The following PRR16 variants were observed in gnomAD, a reference collection of about 807,000 sequenced individuals.
PRR16 encodes protein Largen.
Under a neutral mutation model 18.2 loss-of-function variants are expected in PRR16, and 6 were observed. The observed-to-expected ratio is 0.33, with a 90% CI of 0.18 to 0.65. The LOEUF is 0.65. PRR16 is among the 30% of genes least tolerant of loss of function. PRR16 has a pLI of 0.74. For missense variants in PRR16, 412 were observed against 376.6 expected (o/e 1.09, Z -0.78); for synonymous variants, 151 against 147.8 (o/e 1.02, Z -0.16).
Position 120,464,476 on chromosome 5 carries a change from G to A in PRR16, c.-11G>A. 6.3e-7 allele frequency: 1 copy of A among 1,582,340 alleles called. No individual in the cohort carries two copies. The highest frequency in any genetic ancestry group is 2.3e-5 in the East Asian group (1 of 44,122). On this transcript the variant is annotated 5_prime_UTR_variant, in exon 1 of 2. Coordinates refer to ENST00000407149, the MANE Select transcript of PRR16 (RefSeq NM_001300783.2). ...CCGCCTGTCCTGACCTGCCTCGCTTGCCCCCAAAGAATGTCAGCCAAGTCC... is the reference window on the plus strand; with the variant it reads ...CCGCCTGTCCTGACCTGCCTCGCTTACCCCCAAAGAATGTCAGCCAAGTCC...
chr5:120,760,969 TG>T, the PRR16 span, among the ~76,000 whole-genome samples: 1 of 152,160 alleles, frequency 6.6e-6, no homozygotes, highest in African/African-American at 2.4e-5. Flanking sequence ...CTACAGTTCT[TG>T]TTTCAGAATC....
chr5:120,703,705 T>G, the PRR16 span, among the ~76,000 whole-genome samples: 1 of 152,242 alleles, frequency 6.6e-6, no homozygotes, highest in Non-Finnish European at 1.5e-5. Context: ...GAGTGAGATT[T>G]GAAAATATTA....
intron 1 of PRR16, among the ~76,000 whole-genome samples, chr5:120,571,101 C>T (rs1752891582): frequency 6.6e-6 from 1 of 152,058 alleles, no homozygotes; most frequent in Non-Finnish European, 1.5e-5. Flanking sequence ...AGTAATAAGC[C>T]ATGTTTTAAA....
chr5:120,746,964 CTTTCG>C, the PRR16 span, among the ~76,000 whole-genome samples: 1 of 152,086 alleles, frequency 6.6e-6, no homozygotes, highest in African/African-American at 2.4e-5. Flanking sequence ...AAAAAGCAAG[CTTTCG>C]TTTCAATTTA....
At chr5:120,669,378 C>G (rs1002695019) in intron 1 of PRR16, among the ~76,000 whole-genome samples, 3 of 151,938 alleles carry the variant, frequency 2.0e-5, no homozygotes, top group East Asian at 3.9e-4. Flanking sequence ...AGTTTGCCAA[C>G]TCTACTTTGT....
At chr5:120,531,771 A>G (rs556435787) in intron 1 of PRR16, among the ~76,000 whole-genome samples, 1 of 152,118 alleles carries the variant, frequency 6.6e-6, no homozygotes, top group South Asian at 2.1e-4. Flanking sequence ...AATATCTCCC[A>G]AGCAGAATGA....
chr5:120,785,572 G>GTTTT, the PRR16 span, among the ~76,000 whole-genome samples: 22 of 119,932 alleles, frequency 1.8e-4, 1 homozygote, highest in African/African-American at 2.3e-4. Context: ...TTTTGTTGTT[G>GTTTT]TTGTTTTTTT....
chr5:120,758,188 T>C, the PRR16 span, among the ~76,000 whole-genome samples: 2 of 152,116 alleles, frequency 1.3e-5, no homozygotes, highest in African/African-American at 4.8e-5. Context: ...ATAATGGAAA[T>C]AGTTTATATT....
chr5:120,539,358 A>C (rs919676404), intron 1 of PRR16, among the ~76,000 whole-genome samples: 3 of 151,410 alleles, frequency 2.0e-5, no homozygotes, highest in African/African-American at 7.3e-5. Flanking sequence ...AAATAATAAC[A>C]ACAAAGAAAC....
the PRR16 span, among the ~76,000 whole-genome samples, chr5:120,712,259 TAATACAC>T: frequency 7.2e-5 from 11 of 152,232 alleles, no homozygotes; most frequent in African/African-American, 2.4e-4. Context: ...TTTCAATATA[TAATACAC>T]AATACACAAT....
At chr5:120,717,823 C>T in the PRR16 span, among the ~76,000 whole-genome samples, 7 of 152,124 alleles carry the variant, frequency 4.6e-5, no homozygotes, top group African/African-American at 7.2e-5. Flanking sequence ...AATGTCAGAA[C>T]GAAAACTTTA....
chr5:120,676,877 T>G (rs1756816850), intron 1 of PRR16, among the ~76,000 whole-genome samples: 2 of 152,170 alleles, frequency 1.3e-5, no homozygotes, highest in South Asian at 4.1e-4. Context: ...CATTGGACAT[T>G]TTCAGAAGTC....
intron 1 of PRR16, among the ~76,000 whole-genome samples, chr5:120,573,800 A>G (rs1335671669): frequency 1.3e-5 from 2 of 152,184 alleles, no homozygotes. Context: ...TTGAATATAT[A>G]GAATTGACCT....
At chr5:120,476,011 A>C (rs1237969981) in intron 1 of PRR16, among the ~76,000 whole-genome samples, 1 of 152,156 alleles carries the variant, frequency 6.6e-6, no homozygotes, top group Non-Finnish European at 1.5e-5. Context: ...GATTTTGATT[A>C]GCTGCTTTCT....
At chr5:120,517,994 G>A (rs1751052458) in intron 1 of PRR16, among the ~76,000 whole-genome samples, 1 of 152,196 alleles carries the variant, frequency 6.6e-6, no homozygotes, top group Non-Finnish European at 1.5e-5. Flanking sequence ...AAAGTTTTGT[G>A]TCACTATAAT....
At chr5:120,743,426 A>G in the PRR16 span, among the ~76,000 whole-genome samples, 2 of 151,890 alleles carry the variant, frequency 1.3e-5, no homozygotes, top group Non-Finnish European at 2.9e-5. Context: ...TTCATTGTGA[A>G]TGTCTGCTTA....
At chr5:120,646,409 A>T (rs908948273) in intron 1 of PRR16, among the ~76,000 whole-genome samples, 1 of 151,954 alleles carries the variant, frequency 6.6e-6, no homozygotes, top group African/African-American at 2.4e-5. Context: ...GTAGAATTTT[A>T]GCAGCCAAGA....
intron 1 of PRR16, among the ~76,000 whole-genome samples, chr5:120,650,109 T>C (rs1201603277): frequency 6.6e-6 from 1 of 151,486 alleles, no homozygotes; most frequent in Non-Finnish European, 1.5e-5. Flanking sequence ...TGGCAGCTAC[T>C]CAGGAGGCTG....
At chr5:120,533,028 TC>T (rs1317294482) in intron 1 of PRR16, among the ~76,000 whole-genome samples, 2 of 152,246 alleles carry the variant, frequency 1.3e-5, no homozygotes, top group South Asian at 2.1e-4. Context: ...TGCTTTTGCA[TC>T]CCCCCTTCAT....
Sources: allele counts gnomAD v4.1 joint callset (sites outside exome capture counted in the v4.1 genomes callset), GRCh38; gene constraint gnomAD v4.1.1; transcripts MANE v1.5; gene names NCBI Gene and HGNC (gene_info 2026-07-23, HGNC 2026-07-21).